The following SLC25A53 variants were observed in gnomAD, a reference collection of about 807,000 sequenced individuals.
The protein encoded by SLC25A53 is solute carrier family 25 member 53, also known as mitochondrial carrier triple repeat protein 6.
Under a neutral mutation model 15.0 loss-of-function variants are expected in SLC25A53, and 5 were observed. The ratio of observed to expected loss-of-function variants is 0.33; its 90% CI spans 0.17 to 0.70. SLC25A53 has a LOEUF of 0.70. Among genes scored for constraint, SLC25A53 ranks in the 30% least tolerant of loss-of-function variants. The pLI is 0.67. For missense variants in SLC25A53, 216 were observed against 241.6 expected, an observed-to-expected ratio of 0.89 and a Z score of 0.70; for synonymous variants, 95 against 100.0, an observed-to-expected ratio of 0.95 and a Z score of 0.30.
chrX:104,148,006 G>T (rs1205301949), intron 1 of SLC25A53, among the ~76,000 whole-genome samples: 3 of 111,916 alleles, frequency 2.7e-5, no homozygotes, highest in Non-Finnish European at 5.6e-5. Context: ...GCACACGTAT[G>T]TTTATTGTGG....
chrX:104,107,034 C>A (rs782064694), intron 1 of SLC25A53, among the ~76,000 whole-genome samples: 1 of 105,196 alleles, frequency 9.5e-6, no homozygotes, highest in Admixed American at 1.0e-4. Context: ...TCCCCACGAT[C>A]TCATTCTATC....
At position 104,101,875 on chromosome X, in the gene SLC25A53, T is replaced by C. The variant is rs781885830; in HGVS notation, c.*2459A>G. On this transcript the variant is annotated 3_prime_UTR_variant, in exon 2 of 2. Transcript: ENST00000594199. The stretch of plus-strand genomic sequence containing the variant: ...TTAAGCTTTATTTATGCTTGCAACA[T>C]TTTTAAATGTTTGAAATTATTTTTA... 8.9e-6 allele frequency: 1 copy of C among 112,394 alleles called. No homozygotes were observed. The highest frequency in any genetic ancestry group is 9.4e-5 in the Admixed American group (1 of 10,606). The allele number at this position is 112,394 out of a possible 1,213,427, so 9.3% of individuals were successfully genotyped here.
At chrX:104,122,109 T>C (rs2014379942) in intron 1 of SLC25A53, among the ~76,000 whole-genome samples, 1 of 103,790 alleles carries the variant, frequency 9.6e-6, no homozygotes, top group Non-Finnish European at 2.0e-5. Context: ...CTATCCCCCC[T>C]TTTTGTTCCA....
chrX:104,140,568 A>G (rs2075448325), intron 1 of SLC25A53, among the ~76,000 whole-genome samples: 2 of 111,494 alleles, frequency 1.8e-5, no homozygotes, highest in Middle Eastern at 4.6e-3. Context: ...GGTCTCTCCA[A>G]TTACCCCCTT....
intron 1 of SLC25A53, among the ~76,000 whole-genome samples, chrX:104,127,428 A>G (rs1284474449): frequency 2.7e-5 from 3 of 111,834 alleles, no homozygotes; most frequent in Non-Finnish European, 5.6e-5. Context: ...TGGTTGTTAA[A>G]CAAATCTATA....
intron 1 of SLC25A53, chrX:104,114,417 G>A: frequency 8.3e-7 from 1 of 1,212,034 alleles, no homozygotes. Context: ...GTTTGCTTCA[G>A]GCGGCCAACC....
chrX:104,123,214 C>A (rs1341589385), intron 1 of SLC25A53, among the ~76,000 whole-genome samples: 7 of 112,717 alleles, frequency 6.2e-5, no homozygotes, highest in Admixed American at 5.6e-4. Flanking sequence ...TTCAGCTACT[C>A]TCTCTCATGT....
chrX:104,106,989 C>T (rs1430294941), intron 1 of SLC25A53, among the ~76,000 whole-genome samples: 1 of 104,914 alleles, frequency 9.5e-6, no homozygotes, highest in Non-Finnish European at 2.0e-5. Context: ...TCCATATCCC[C>T]ACAATCTCAT....
intron 1 of SLC25A53, among the ~76,000 whole-genome samples, chrX:104,119,556 T>A (rs1308565556): frequency 9.0e-6 from 1 of 111,259 alleles, no homozygotes; most frequent in East Asian, 2.8e-4. Flanking sequence ...TAGTTAACAT[T>A]TATTAAGGTC....
chrX:104,126,916 T>C (rs1602497655), intron 1 of SLC25A53, among the ~76,000 whole-genome samples: 1 of 112,203 alleles, frequency 8.9e-6, no homozygotes, highest in South Asian at 3.7e-4. Flanking sequence ...GAATATAAAA[T>C]GGTAAGGCTC....
intron 1 of SLC25A53, among the ~76,000 whole-genome samples, chrX:104,132,357 G>A (rs2075427571): frequency 9.0e-6 from 1 of 111,678 alleles, no homozygotes; most frequent in African/African-American, 3.3e-5. Context: ...GGGGCTTACT[G>A]GCTAATCAAG....
At position 104,105,031 on chromosome X, in the gene SLC25A53, T is replaced by A; in HGVS notation, c.227A>T (p.Tyr76Phe). The A allele has an allele frequency of 8.3e-7, 1 of 1,211,354 alleles. No homozygotes were observed. Among genetic ancestry groups the A allele is most frequent in the Non-Finnish European group, 1.1e-6 (1 of 895,364 alleles). ...VRQLWHEGPQ[Y>F]FYRGIYPPLL... ...AGGAGGGTAGATTCCCCGGTAGAAGTATTGAGGACCTTCATGCCAAAGCTG... is the reference window on the plus strand; with the variant it reads ...AGGAGGGTAGATTCCCCGGTAGAAGAATTGAGGACCTTCATGCCAAAGCTG... Residue 76 changes from tyrosine (Y) to phenylalanine (F), a missense_variant, in exon 2 of 2, where the codon TAC becomes TTC. Transcript: ENST00000594199.
intron 1 of SLC25A53, among the ~76,000 whole-genome samples, chrX:104,152,332 G>A (rs1474451499): frequency 1.1e-4 from 11 of 104,671 alleles, no homozygotes; most frequent in African/African-American, 3.9e-4. Context: ...GCGGTGTTTG[G>A]TTTTTTGTCC....
chrX:104,111,342 T>C (rs2075342023), intron 1 of SLC25A53, among the ~76,000 whole-genome samples: 1 of 111,978 alleles, frequency 8.9e-6, no homozygotes, highest in Non-Finnish European at 1.9e-5. Flanking sequence ...GCATGAGTTC[T>C]GGATTCAGAG....
intron 1 of SLC25A53, among the ~76,000 whole-genome samples, chrX:104,148,835 C>CA (rs782108904): frequency 1.8e-5 from 2 of 111,171 alleles, no homozygotes; most frequent in African/African-American, 3.3e-5. Flanking sequence ...AGTATAATAA[C>CA]AAAAAAGAAA....
In SLC25A53 at chrX:104,148,315, G is replaced by C. The variant is rs868975895; in HGVS notation, c.-32+8563C>G. ...GGGGACTGTTGTAGGGTGGGAGGAG[G>C]GGGGAGGGATAGCATTAGGAGATAT... is the stretch of plus-strand genomic sequence containing the variant. On this transcript the variant is annotated intron_variant, in intron 1 of 1. Transcript: ENST00000594199. Among the ~76,000 whole-genome samples the C allele has an allele frequency of 7.3e-5, 8 of 109,248 alleles. No homozygotes were observed. In the South Asian group the frequency reaches 1.2e-3, roughly 17 times the overall value. 94.9% of individuals were successfully genotyped at this position (109,248 alleles called of 115,157 possible). A position where few individuals can be genotyped will look rare whatever the true frequency, so the allele number is the denominator to read the frequency against.
intron 1 of SLC25A53, among the ~76,000 whole-genome samples, chrX:104,154,699 G>A (rs1174308427): frequency 1.8e-5 from 2 of 112,080 alleles, no homozygotes; most frequent in Non-Finnish European, 3.8e-5. Context: ...AGAACATTAT[G>A]CTAAGTGAAA....
intron 1 of SLC25A53, chrX:104,130,838 A>C: frequency 8.9e-6 from 1 of 111,991 alleles, no homozygotes; most frequent in Non-Finnish European, 1.9e-5. Context: ...AGTTTAACGG[A>C]AATATAACGT....
chrX:104,110,010 C>T (rs1374947426), intron 1 of SLC25A53, among the ~76,000 whole-genome samples: 7 of 111,487 alleles, frequency 6.3e-5, no homozygotes, highest in African/African-American at 1.3e-4. Context: ...AGCCAGGTTG[C>T]AAATACTACC....
Sources: allele counts gnomAD v4.1 joint callset (sites outside exome capture counted in the v4.1 genomes callset), GRCh38; gene constraint gnomAD v4.1.1; transcripts MANE v1.5; gene names NCBI Gene and HGNC (gene_info 2026-07-23, HGNC 2026-07-21).